Variants in PTPDC1 observed in about 807,000 individuals in gnomAD.
PTPDC1 encodes protein tyrosine phosphatase domain-containing protein 1.
Under a neutral mutation model 75.3 loss-of-function variants are expected in PTPDC1, and 53 were observed. The observed-to-expected ratio is 0.70, with a 90% CI of 0.56 to 0.88. The LOEUF (loss-of-function observed/expected upper bound fraction) is 0.88. PTPDC1 is among the 40% of genes least tolerant of loss of function. The pLI, the probability that PTPDC1 is intolerant of heterozygous loss-of-function variation, is 0.00. For missense variants in PTPDC1, 925 were observed against 998.6 expected, an observed-to-expected ratio of 0.93 and a Z score of 0.99; for synonymous variants, 349 against 366.2, an observed-to-expected ratio of 0.95 and a Z score of 0.54.
chr9:94,043,164 C>T (rs1825481981), intron 1 of PTPDC1, among the ~76,000 whole-genome samples: 1 of 152,194 alleles, frequency 6.6e-6, no homozygotes, highest in African/African-American at 2.4e-5. Context: ...GACCTCCTCC[C>T]ATGAATTGCA....
At chr9:94,031,611 A>T (rs1829728675) in intron 1 of PTPDC1, among the ~76,000 whole-genome samples, 1 of 152,082 alleles carries the variant, frequency 6.6e-6, no homozygotes, top group Admixed American at 6.5e-5. Flanking sequence ...ATGCATTCTC[A>T]ACATGGGTGA....
chr9:94,043,894 T>G (rs1167556593), intron 1 of PTPDC1, among the ~76,000 whole-genome samples: 1 of 152,232 alleles, frequency 6.6e-6, no homozygotes, highest in Non-Finnish European at 1.5e-5. Flanking sequence ...TCCAGATGTC[T>G]TGCATCATTT....
chr9:94,074,051 A>T (rs1350346265), intron 2 of PTPDC1, among the ~76,000 whole-genome samples: 1 of 152,102 alleles, frequency 6.6e-6, no homozygotes, highest in Non-Finnish European at 1.5e-5. Context: ...CTCCATTTTG[A>T]TGTCTGTTGA....
intron 1 of PTPDC1, among the ~76,000 whole-genome samples, chr9:94,037,039 G>A (rs1320229767): frequency 2.0e-5 from 3 of 152,170 alleles, no homozygotes; most frequent in Non-Finnish European, 4.4e-5. Context: ...AAGATTGCAT[G>A]GCCAAATTTT....
intron 4 of PTPDC1, among the ~76,000 whole-genome samples, chr9:94,094,209 G>C (rs1446923908): frequency 2.0e-5 from 3 of 151,970 alleles, no homozygotes; most frequent in African/African-American, 7.3e-5. Flanking sequence ...CATCTTTGTG[G>C]TTTTATCTAC....
chr9:94,107,759 T>G, intron 8 of PTPDC1, 69 bp from the exon 9 acceptor site: 7 of 786,960 alleles, frequency 8.9e-6, no homozygotes, highest in Non-Finnish European at 1.4e-5. Context: ...CACCCCCTCC[T>G]TCTCTCAAAA....
intron 5 of PTPDC1, 142 bp from the exon 6 acceptor site, chr9:94,097,176 TATC>T: frequency 3.1e-6 from 2 of 642,614 alleles, no homozygotes; most frequent in Non-Finnish European, 5.2e-6. Context: ...GTCACAAAGT[TATC>T]ATCATAATTG....
At position 94,084,494 on chromosome 9, in the gene PTPDC1, T is replaced by A. The variant is rs1826991263; in HGVS notation, c.-37T>A. On this transcript the variant is annotated 5_prime_UTR_variant, in exon 1 of 9. Transcript: ENST00000620992. ...AAGTTCCTCACTGAGTGAGTGGGGC[T>A]GACTCTTCCTGCCTCCGGCTCTTGC... 1 of 1,603,212 alleles carries A rather than the reference T, an allele frequency of 6.2e-7. No individual in the cohort carries two copies. The highest frequency in any genetic ancestry group is 8.5e-7 in the Non-Finnish European group (1 of 1,179,458).
At chr9:94,090,628 T>G (rs1827279197) in intron 4 of PTPDC1, among the ~76,000 whole-genome samples, 1 of 117,672 alleles carries the variant, frequency 8.5e-6, no homozygotes, top group African/African-American at 3.5e-5. Flanking sequence ...AAGTCATTGG[T>G]AGCTTGATGG....
chr9:94,048,883 G>T (rs1474066193), intron 1 of PTPDC1, among the ~76,000 whole-genome samples: 1 of 152,146 alleles, frequency 6.6e-6, no homozygotes, highest in African/African-American at 2.4e-5. Context: ...ATGAATCTGG[G>T]TGCTCCTGTA....
At chr9:94,066,652 G>A (rs1826317202) in intron 2 of PTPDC1, among the ~76,000 whole-genome samples, 2 of 152,040 alleles carry the variant, frequency 1.3e-5, no homozygotes, top group African/African-American at 2.4e-5. Context: ...CCGCCTCTCA[G>A]GTTCAAGAGA....
Position 94,048,685 on chromosome 9 carries a change from C to A in PTPDC1, c.-6-16049C>A, listed in dbSNP as rs567215822. The stretch of plus-strand genomic sequence containing the variant: ...GCTGGAAATAATGTATATTCTGTTG[C>A]CTTGGGGTGGAGAGTTCTGTAGATG... On this transcript the variant is annotated intron_variant, in intron 1 of 9. Coordinates refer to the PTPDC1 transcript ENST00000375360. Among the ~76,000 whole-genome samples the A allele has an allele frequency of 8.2e-4, 125 of 152,040 alleles. 1 individual carries two copies. Among genetic ancestry groups the A allele is most frequent in the African/African-American group, 2.9e-3 (122 of 41,510 alleles).
At chr9:94,030,855 G>A (rs1829711579) in exon 1 of PTPDC1, 1 of 152,172 alleles carries the variant, frequency 6.6e-6, no homozygotes, top group South Asian at 2.1e-4. Context: ...CCGCCACGGG[G>A]AGCAGCCCAG....
chr9:94,087,517 A>T (rs1458822730), intron 2 of PTPDC1, among the ~76,000 whole-genome samples: 2 of 152,232 alleles, frequency 1.3e-5, no homozygotes, highest in African/African-American at 4.8e-5. Context: ...ATATTTGCTT[A>T]TATTTGCAAA....
intron 1 of PTPDC1, among the ~76,000 whole-genome samples, chr9:94,048,245 A>G (rs548653127): frequency 6.6e-6 from 1 of 152,210 alleles, no homozygotes; most frequent in South Asian, 2.1e-4. Flanking sequence ...GCCTTCTGCT[A>G]GCTTTTGAAT....
intron 1 of PTPDC1, among the ~76,000 whole-genome samples, chr9:94,042,897 A>G (rs1223119864): frequency 1.3e-5 from 2 of 152,228 alleles, no homozygotes. Flanking sequence ...AGAGGGCAGC[A>G]TCTTCACTAG....
In PTPDC1 at chr9:94,101,620, C is replaced by G. The variant is rs998601980; in HGVS notation, c.2068C>G (p.Pro690Ala). 2 of 1,613,208 alleles carry G rather than the reference C, an allele frequency of 1.2e-6. No individual in the cohort carries two copies. Among genetic ancestry groups the G allele is most frequent in the African/African-American group, 1.3e-5 (1 of 74,802 alleles). The stretch of plus-strand genomic sequence containing the variant: ...GGAAAGAATATGTGGCGAGAGGGAC[C>G]CTTTCATCCTATGCAGCTTGATGTG... ...AWERICGERDPFILCSLMWSW... is the reference protein window; with the variant it reads ...AWERICGERDAFILCSLMWSW... Residue 690 changes from proline (P) to alanine (A), a missense_variant, in exon 7 of 9, where the codon CCT (proline) becomes GCT (alanine). Physicochemically the swap from Pro to Ala is conservative, Grantham distance 27 (BLOSUM62 -1). Transcript: ENST00000620992.
chr9:94,047,014 T>C (rs1255982812), intron 1 of PTPDC1, among the ~76,000 whole-genome samples: 1 of 152,210 alleles, frequency 6.6e-6, no homozygotes, highest in Non-Finnish European at 1.5e-5. Context: ...TTTTGAGATA[T>C]GTCCTATCAA....
intron 1 of PTPDC1, among the ~76,000 whole-genome samples, chr9:94,052,394 A>T (rs1433790687): frequency 1.3e-5 from 2 of 152,026 alleles, no homozygotes; most frequent in Non-Finnish European, 2.9e-5. Flanking sequence ...ATTGTGTTCT[A>T]TCTTGGTGAC....
Sources: gnomAD v4.1 joint callset for allele counts (sites outside exome capture counted in the v4.1 genomes callset) on GRCh38, gnomAD v4.1.1 for gene constraint, MANE v1.5 for transcripts, NCBI Gene and HGNC (gene_info 2026-07-23, HGNC 2026-07-21) for gene names.